The following ING5 variants were observed in gnomAD, a reference collection of about 807,000 sequenced individuals.
The protein encoded by ING5 is inhibitor of growth family member 5.
A neutral mutation model predicts 37.4 loss-of-function variants in ING5; 17 were observed. The observed-to-expected ratio is 0.45, with a 90% confidence interval of 0.31 to 0.68. The LOEUF (loss-of-function observed/expected upper bound fraction) is 0.68, where lower values mean the gene tolerates loss of function less well. ING5 is among the 30% of genes least tolerant of loss of function. The pLI is 0.05. For missense variants in ING5, 233 were observed against 311.9 expected, an observed-to-expected ratio of 0.75 and a Z score of 1.91; for synonymous variants, 123 against 116.6, an observed-to-expected ratio of 1.06 and a Z score of -0.36.
chr2:241,724,685 C>T lies in ING5; in HGVS notation c.681-304C>T, dbSNP rs1254684711. 8.8e-6 allele frequency: 4 copies of T among 454,030 alleles called. No homozygotes were observed. The Admixed American group carries it at 1.4e-4, about 16-fold the overall frequency. The allele number at this position is 454,030 out of a possible 1,614,324, so 28.1% of individuals were successfully genotyped here. ...CCCCACAGACTGCAGACAGAGGGCA[C>T]CAGCGACCCTGCCATCGGCCGGGGA... is the stretch of plus-strand genomic sequence containing the variant. On this transcript the variant is annotated intron_variant, in intron 7 of 7. Transcript: ENST00000313552.
In ING5 at chr2:241,690,956, C is replaced by T. The variant is rs539858594; in HGVS notation, c.43+303C>T. Among the ~76,000 whole-genome samples, 20 of 151,470 alleles carry T rather than the reference C, an allele frequency of 1.3e-4. No homozygotes were observed. In the East Asian group the frequency reaches 1.6e-3, roughly 12 times the overall value. On this transcript the variant is annotated intron_variant, in intron 2 of 7. Transcript: ENST00000636051. ...CAAGTAGCTGGGATTTACAGGCGCC[C>T]GCCACAACACCCGGCTAATTTTTTG...
intron 5 of ING5, among the ~76,000 whole-genome samples, chr2:241,713,321 G>A (rs958161392): frequency 6.7e-5 from 10 of 150,154 alleles, no homozygotes; most frequent in Non-Finnish European, 8.9e-5. Flanking sequence ...GCCTCCCAAA[G>A]TGCTGGGATT....
intron 5 of ING5, chr2:241,721,933 T>C: frequency 3.0e-6 from 3 of 985,584 alleles, no homozygotes; most frequent in Non-Finnish European, 3.6e-6. Context: ...CAGGCTGCTG[T>C]GTAGAAACCC....
At chr2:241,708,846 T>A (rs2070008783) in intron 2 of ING5, among the ~76,000 whole-genome samples, 1 of 152,188 alleles carries the variant, frequency 6.6e-6, no homozygotes, top group Non-Finnish European at 1.5e-5. Context: ...AGTGTGTTCT[T>A]TCTTGACTGC....
At chr2:241,707,540 G>A (rs1278763965) in intron 2 of ING5, among the ~76,000 whole-genome samples, 6 of 152,010 alleles carry the variant, frequency 3.9e-5, no homozygotes, top group Non-Finnish European at 5.9e-5. Flanking sequence ...TCATCCACCC[G>A]CCTTGGCCTC....
Position 241,688,063 on chromosome 2 carries a change from G to A in ING5, c.-774+1G>A, listed in dbSNP as rs2069477623. ...ATCAGGCTGCCTGGACATTTCTCAG[G>A]TGAGACTTTTTGTTATTTTAGATAT... On this transcript the variant is annotated splice_donor_variant, in intron 1 of 7. Transcript: ENST00000636051. LOFTEE classifies it low-confidence loss of function (5UTR_SPLICE). 1 of 152,160 alleles carries A rather than the reference G, an allele frequency of 6.6e-6. No individual in the cohort carries two copies. Among genetic ancestry groups the A allele is most frequent in the East Asian group, 1.9e-4 (1 of 5,206 alleles). The allele number at this position is 152,160 out of a possible 1,614,324, so 9.4% of individuals were successfully genotyped here.
intron 5 of ING5, chr2:241,719,847 A>G (rs993643277): frequency 2.4e-5 from 34 of 1,404,820 alleles, no homozygotes; most frequent in Admixed American, 3.0e-5. Flanking sequence ...CTGGGAGCTC[A>G]GCGCTGCCTG....
rs923658345 is a variant in ING5 at position 241,728,956 on chromosome 2, T to C, written c.*3925T>C. The C allele has an allele frequency of 6.6e-6, 1 of 152,254 alleles. No individual in the cohort carries two copies. The highest frequency in any genetic ancestry group is 1.5e-5 in the Non-Finnish European group (1 of 68,058). The allele number at this position is 152,254 out of a possible 1,614,324, so 9.4% of individuals were successfully genotyped here. A position where few individuals can be genotyped will look rare whatever the true frequency, so the allele number is the denominator to read the frequency against. On this transcript the variant is annotated 3_prime_UTR_variant, in exon 8 of 8. Coordinates refer to ENST00000313552, the MANE Select transcript of ING5 (RefSeq NM_032329.6). ...CCGGACTTGGCCTCCTGTCCTGTCG[T>C]TGGGAGCCCTGGCTGGGGCTGCTTT...
chr2:241,711,473 G>A lies in ING5; in HGVS notation c.373G>A (p.Gly125Arg). 1 of 1,601,164 alleles carries A rather than the reference G, an allele frequency of 6.2e-7. No homozygotes were observed. Among genetic ancestry groups the A allele is most frequent in the Non-Finnish European group, 8.5e-7 (1 of 1,175,414 alleles). Reference protein sequence around the residue: ...MEGSDFESSGGRGLKKGRGQK... With the variant: ...MEGSDFESSGRRGLKKGRGQK... ...GGGCAGTGATTTTGAAAGCTCCGGA[G>A]GGCGAGGGTTAAAAAGCAAGTCTGT... Residue 125 changes from glycine to arginine, a missense_variant, in exon 4 of 8, where the codon GGG (glycine) becomes AGG (arginine). Gly to Arg is a moderately radical substitution (Grantham distance 125). Transcript: ENST00000313552.
chr2:241,723,825 C>T, intron 7 of ING5: 1 of 1,587,374 alleles, frequency 6.3e-7, no homozygotes, highest in Non-Finnish European at 8.5e-7. Flanking sequence ...GTCTGGGCAA[C>T]ATCGGGAGAC....
intron 2 of ING5, among the ~76,000 whole-genome samples, chr2:241,695,598 A>G (rs2069619212): frequency 6.6e-6 from 1 of 152,158 alleles, no homozygotes; most frequent in Non-Finnish European, 1.5e-5. Context: ...AGGCAGCAGA[A>G]TTGCTTGAAC....
intron 5 of ING5, chr2:241,720,108 G>T: frequency 2.4e-6 from 3 of 1,238,464 alleles, no homozygotes; most frequent in Non-Finnish European, 3.0e-6. Context: ...CAGGTGGGCA[G>T]ACGGGTCATC....
chr2:241,688,739 T>C (rs906500645), intron 1 of ING5, among the ~76,000 whole-genome samples: 5 of 152,172 alleles, frequency 3.3e-5, no homozygotes, highest in African/African-American at 1.2e-4. Context: ...TTCTCCTGCC[T>C]CAGCCTCCTG....
chr2:241,704,163 C>T (rs889679815), intron 1 of ING5, among the ~76,000 whole-genome samples: 2 of 152,210 alleles, frequency 1.3e-5, no homozygotes, highest in Non-Finnish European at 2.9e-5. Context: ...AGTGTGCACA[C>T]AGCCTCTTGT....
upstream of ING5, among the ~76,000 whole-genome samples, chr2:241,699,758 G>A (rs994859240): frequency 2.0e-5 from 3 of 152,004 alleles, no homozygotes; most frequent in Non-Finnish European, 4.4e-5. Flanking sequence ...GGGAGCCTTT[G>A]GGACGTCCTC....
At chr2:241,703,436 C>T (rs1295023257) in intron 1 of ING5, among the ~76,000 whole-genome samples, 2 of 151,962 alleles carry the variant, frequency 1.3e-5, no homozygotes, top group Non-Finnish European at 2.9e-5. Context: ...ACAAAGCAGA[C>T]GCGAAAGCAG....
In ING5 at chr2:241,725,573, G is replaced by A. The variant is rs998268545; in HGVS notation, c.*542G>A. The A allele has an allele frequency of 2.2e-4, 34 of 152,458 alleles. 1 individual carries two copies. The highest frequency in any genetic ancestry group is 7.9e-4 in the African/African-American group (33 of 41,570). The allele number at this position is 152,458 out of a possible 1,614,324, so 9.4% of individuals were successfully genotyped here. On this transcript the variant is annotated 3_prime_UTR_variant, in exon 8 of 8. Coordinates refer to ENST00000313552, the MANE Select transcript of ING5 (RefSeq NM_032329.6). ...CGTGGGGCGCCTCGGATGGGCCCGG[G>A]AGGGCTGGGGGCTCTTCCCTGGAGG...
intron 2 of ING5, among the ~76,000 whole-genome samples, chr2:241,693,026 A>C (rs2069577116): frequency 6.6e-6 from 1 of 152,036 alleles, no homozygotes; most frequent in Non-Finnish European, 1.5e-5. Flanking sequence ...TTTGGGAGGC[A>C]GAGGCGGGCA....
chr2:241,716,876 C>T (rs913864624), intron 5 of ING5, among the ~76,000 whole-genome samples: 8 of 151,980 alleles, frequency 5.3e-5, no homozygotes, highest in Non-Finnish European at 1.0e-4. Context: ...GGTGGTCAGG[C>T]GCTGGGGTGG....
Sources: allele counts gnomAD v4.1 joint callset (sites outside exome capture counted in the v4.1 genomes callset), GRCh38; gene constraint gnomAD v4.1.1; transcripts MANE v1.5; gene names NCBI Gene and HGNC (gene_info 2026-07-23, HGNC 2026-07-21).